Variants in PSG11 observed in about 807,000 individuals in gnomAD.
PSG11 encodes pregnancy specific beta-1-glycoprotein 11, also known as pregnancy-specific beta-1-glycoprotein 11.
Under a neutral mutation model 36.0 loss-of-function variants are expected in PSG11, and 42 were observed. The ratio of observed to expected loss-of-function variants is 1.17; its 90% CI spans 0.91 to 1.51. The LOEUF (loss-of-function observed/expected upper bound fraction) is 1.51. PSG11 is among the 40% of genes most tolerant of loss of function. PSG11 has a pLI of 0.00. For missense variants in PSG11, 558 were observed against 403.5 expected (o/e 1.38, Z -3.28); for synonymous variants, 206 against 153.5 (o/e 1.34, Z -2.53).
rs1317323144 is a variant in PSG11, at chr19:43,015,380, A to C, written c.710-10T>G. ...GGGAGGTCTGGACCATCTGGAGGAA[A>C]GAGAATAAAGCCACAGTTGATGTCA... On this transcript the variant is annotated splice_polypyrimidine_tract_variant and intron_variant, in intron 3 of 5. Coordinates refer to ENST00000320078, the MANE Select transcript of PSG11 (RefSeq NM_002785.3). The C allele has an allele frequency of 1.9e-6, 3 of 1,605,406 alleles. No individual in the cohort carries two copies. Among genetic ancestry groups the C allele is most frequent in the Middle Eastern group, 1.7e-4 (1 of 6,032 alleles).
chr19:43,015,455 C>T lies in PSG11; in HGVS notation c.710-85G>A, dbSNP rs569711488. ...TCTCTTAAAGGGACACAGTGACCCT[C>T]TGAGCCAAGACACACCCTCAAGTCC... On this transcript the variant is annotated intron_variant, in intron 3 of 5. Coordinates refer to ENST00000320078, the MANE Select transcript of PSG11 (RefSeq NM_002785.3). The T allele has an allele frequency of 2.6e-5, 39 of 1,481,312 alleles. No individual in the cohort carries two copies. The East Asian group carries it at 5.7e-4, about 22-fold the overall frequency. 91.8% of individuals were successfully genotyped at this position (1,481,312 alleles called of 1,614,324 possible). A position where few individuals can be genotyped will look rare whatever the true frequency, so the allele number is the denominator to read the frequency against.
In PSG11 at chr19:43,018,758, G is replaced by A. The variant is rs1478460193; in HGVS notation, c.709+12C>T. The A allele has an allele frequency of 1.9e-6, 3 of 1,612,028 alleles. No homozygotes were observed. Among genetic ancestry groups the A allele is most frequent in the Non-Finnish European group, 1.7e-6 (2 of 1,179,086 alleles). On this transcript the variant is annotated intron_variant, in intron 3 of 5. Transcript: ENST00000320078. ...TGGCAGCCTGGCTCACAGAGGAACA[G>A]AAGATACTCACGGAGGAGATTCAGG...
Position 43,018,561 on chromosome 19 carries a change from C to T in PSG11, c.709+209G>A, listed in dbSNP as rs956809370. ...CCCATCACAATCTGTGGACCCTGAG[C>T]CTCCCATGACAGGAGCAGCCTCTTT... is the stretch of plus-strand genomic sequence containing the variant. On this transcript the variant is annotated intron_variant, in intron 3 of 5. Coordinates refer to ENST00000320078, the MANE Select transcript of PSG11 (RefSeq NM_002785.3). 18 of 1,188,444 alleles carry T rather than the reference C, an allele frequency of 1.5e-5. 1 individual carries two copies. The highest frequency in any genetic ancestry group is 5.7e-4 in the Middle Eastern group (2 of 3,516). The allele number at this position is 1,188,444 out of a possible 1,614,324, so 73.6% of individuals were successfully genotyped here.
intron 3 of PSG11, chr19:43,015,960 C>G (rs1311837843): frequency 6.2e-7 from 1 of 1,610,084 alleles, no homozygotes; most frequent in East Asian, 2.2e-5. Context: ...AGTTCTCACT[C>G]TTAGGTTCAC....
intron 4 of PSG11, chr19:43,014,165 A>T (rs1360125581): frequency 4.2e-6 from 1 of 238,756 alleles, no homozygotes; most frequent in African/African-American, 2.4e-5. Flanking sequence ...ATATGGTAAG[A>T]GGAAAAAGTT....
At position 43,024,731 on chromosome 19, in the gene PSG11, C is replaced by A. The variant is rs764265919; in HGVS notation, c.390G>T (p.Gly130=). 1 of 1,611,506 alleles carries A rather than the reference C, an allele frequency of 6.2e-7. No homozygotes were observed. ...YTLHIIKRGD[G]TRGVTGYFTF... The stretch of plus-strand genomic sequence containing the variant: ...TGAAATATCCAGTTACTCCTCTAGT[C>A]CCATCACCTCGCTTTATGATGTGTA... The change falls in exon 2 of 6, where the codon GGG becomes GGT. Residue 130 remains glycine (G), a synonymous_variant. Transcript: ENST00000320078.
chr19:43,018,068 A>G (rs1350916110), intron 3 of PSG11, among the ~76,000 whole-genome samples: 1 of 151,242 alleles, frequency 6.6e-6, no homozygotes, highest in Non-Finnish European at 1.5e-5. Flanking sequence ...ATAGCTAGAT[A>G]GACTTCCCTG....
At chr19:43,012,890 A>G (rs1192968759) in intron 4 of PSG11, among the ~76,000 whole-genome samples, 1 of 151,450 alleles carries the variant, frequency 6.6e-6, no homozygotes, top group Non-Finnish European at 1.5e-5. Flanking sequence ...ATTTACTACA[A>G]AGCCCCAGTA....
In PSG11 at chr19:43,019,253, C is replaced by T. The variant is rs529827759; in HGVS notation, c.431-205G>A. 63 of 1,132,870 alleles carry T rather than the reference C, an allele frequency of 5.6e-5. 2 individuals carry two copies. The African/African-American group carries it at 9.7e-4, about 17-fold the overall frequency. The allele number at this position is 1,132,870 out of a possible 1,614,324, so 70.2% of individuals were successfully genotyped here. The stretch of plus-strand genomic sequence containing the variant: ...CTGCCTGCTTTATGTGGGAGAAGCA[C>T]AGACTTTCTCAGGTGTGAATTGAGC... On this transcript the variant is annotated intron_variant, in intron 2 of 5. Coordinates refer to ENST00000320078, the MANE Select transcript of PSG11 (RefSeq NM_002785.3).
At chr19:43,024,409 G>A (rs943021164) in intron 2 of PSG11, 40 of 556,182 alleles carry the variant, frequency 7.2e-5, no homozygotes, top group African/African-American at 3.1e-4. Context: ...TTATGAAGAG[G>A]GCATGAGGTG....
intron 1 of PSG11, 32 bp from the exon 2 acceptor site, chr19:43,025,088 GAGACCTATGTATTGGGGTGAAA>G (rs1790739166): frequency 6.3e-7 from 1 of 1,595,810 alleles, no homozygotes; most frequent in South Asian, 1.1e-5. Flanking sequence ...AGTCAATATT[GAGACCTATGTATTGGGGTGAAA>G]AGATGGGGCC....
intron 3 of PSG11, chr19:43,018,531 T>G: frequency 2.1e-6 from 2 of 947,478 alleles, no homozygotes; most frequent in East Asian, 2.7e-5. Context: ...CATTCACCTG[T>G]TTCTCCCATC....
At chr19:43,015,016 G>C in intron 4 of PSG11, 100 bp downstream of exon 4, 1 of 1,601,300 alleles carries the variant, frequency 6.2e-7, no homozygotes, top group Non-Finnish European at 8.5e-7. Flanking sequence ...TGTGCCCATG[G>C]GACACAGGCT....
At position 43,010,346 on chromosome 19, in the gene PSG11, C is replaced by A. The variant is rs1044405988; in HGVS notation, c.965-305G>T. On this transcript the variant is annotated intron_variant, in intron 4 of 5. Transcript: ENST00000320078. ...TCATTGGAACTTGTCACCTTTGCACCTTTTCATGGTTGCATCTTTTTCTCA... is the reference window on the plus strand; with the variant it reads ...TCATTGGAACTTGTCACCTTTGCACATTTTCATGGTTGCATCTTTTTCTCA... 19 of 1,524,402 alleles carry A rather than the reference C, an allele frequency of 1.2e-5. No homozygotes were observed. In the African/African-American group the frequency reaches 2.3e-4, roughly 18 times the overall value. 94.4% of individuals were successfully genotyped at this position (1,524,402 alleles called of 1,614,324 possible). A position where few individuals can be genotyped will look rare whatever the true frequency, so the allele number is the denominator to read the frequency against.
intron 2 of PSG11, among the ~76,000 whole-genome samples, chr19:43,022,035 C>T (rs1967113707): frequency 6.6e-6 from 1 of 151,448 alleles, no homozygotes; most frequent in African/African-American, 2.4e-5. Flanking sequence ...AACTTTGAAG[C>T]AAGAATGATA....
intron 3 of PSG11, chr19:43,015,719 C>T (rs549581937): frequency 1.3e-5 from 21 of 1,601,298 alleles, no homozygotes; most frequent in Middle Eastern, 2.2e-4. Flanking sequence ...GGCCCCTGGT[C>T]GTTTGGATTT....
intron 3 of PSG11, 87 bp from the exon 4 acceptor site, chr19:43,015,457 G>T: frequency 6.1e-6 from 9 of 1,469,102 alleles, no homozygotes; most frequent in South Asian, 1.3e-5. Flanking sequence ...GTGACCCTCT[G>T]AGCCAAGACA....
At chr19:43,023,491 C>T (rs1441578557) in intron 2 of PSG11, among the ~76,000 whole-genome samples, 1 of 150,932 alleles carries the variant, frequency 6.6e-6, no homozygotes, top group Non-Finnish European at 1.5e-5. Context: ...GAGGGGGAGG[C>T]CTGGACATTT....
intron 2 of PSG11, 93 bp from the exon 3 acceptor site, chr19:43,019,141 A>C (rs899259113): frequency 2.6e-6 from 4 of 1,545,704 alleles, no homozygotes; most frequent in Non-Finnish European, 3.5e-6. Context: ...GCCACCTCTC[A>C]GCCCACCCGA....
Sources: allele counts gnomAD v4.1 joint callset (sites outside exome capture counted in the v4.1 genomes callset), GRCh38; gene constraint gnomAD v4.1.1; transcripts MANE v1.5; gene names NCBI Gene and HGNC (gene_info 2026-07-23, HGNC 2026-07-21).